The following HOOK2 variants were observed in gnomAD, a reference collection of about 807,000 sequenced individuals.
The protein encoded by HOOK2 is protein Hook homolog 2.
In HOOK2, 108 loss-of-function variants were observed where a neutral mutation model predicts 111.9. The observed-to-expected ratio is 0.96, with a 90% CI of 0.83 to 1.13. HOOK2 has a LOEUF of 1.13. Among genes scored for constraint, HOOK2 ranks in the 50% most tolerant of loss-of-function variants. HOOK2 has a pLI of 0.00. For missense variants in HOOK2, 978 were observed against 951.3 expected (o/e 1.03, Z -0.37); for synonymous variants, 405 against 394.3 (o/e 1.03, Z -0.32).
chr19:12,777,023 G>A (rs1372006021), upstream of HOOK2, among the ~76,000 whole-genome samples: 1 of 151,744 alleles, frequency 6.6e-6, no homozygotes, highest in African/African-American at 2.4e-5. Context: ...CGGGCATGGT[G>A]GCACGCGCCT....
chr19:12,792,268 C>A, intron 3 of HOOK2: 3 of 1,492,374 alleles, frequency 2.0e-6, no homozygotes, highest in Non-Finnish European at 2.7e-6. Context: ...GGGGGGCCCC[C>A]GGCTGGGCCC....
rs372469361 is a variant in HOOK2, at chr19:12,763,659, G to T, written c.1938+9C>A. On this transcript the variant is annotated intron_variant, in intron 21 of 22. Transcript: ENST00000397668. The stretch of plus-strand genomic sequence containing the variant: ...GTTGGAGGCAGCGTAAAGGGACGAG[G>T]ACACCCACCTCCAGGTGTCGGATGC... 7 of 1,614,094 alleles carry T rather than the reference G, an allele frequency of 4.3e-6. No homozygotes were observed. The Admixed American group carries it at 1.2e-4, about 27-fold the overall frequency.
Position 12,771,397 on chromosome 19 carries a change from C to T in HOOK2, c.600G>A (p.Gln200=). ...LQQRCLDLER[Q]LMLLSEEKQS... is the part of the protein sequence containing the mutation. The stretch of plus-strand genomic sequence containing the variant: ...GACCCTGCCCCACCTAGGGCCCTAC[C>T]TGCCGCTCCAGATCCAGACAGCGCT... The change falls in exon 8 of 23, where the codon CAG becomes CAA. Residue 200 remains glutamine (Q), a splice_region_variant and synonymous_variant. Coordinates refer to ENST00000397668, the MANE Select transcript of HOOK2 (RefSeq NM_013312.3). 1 of 1,613,342 alleles carries T rather than the reference C, an allele frequency of 6.2e-7. No individual in the cohort carries two copies. The highest frequency in any genetic ancestry group is 8.5e-7 in the Non-Finnish European group (1 of 1,179,708).
chr19:12,775,560 CGCCCCGCCCCGCCCCCCTAGGCGCAG>C (rs1248783258), upstream of HOOK2: 110 of 1,036,176 alleles, frequency 1.1e-4, no homozygotes, highest in Middle Eastern at 3.4e-4. Context: ...CCTAGAGCGC[CGCCCCGCCCCGCCCCCCTAGGCGCAG>C]GCCCCGCCCC....
Position 12,786,496 on chromosome 19 carries a change from C to A in HOOK2, n.42-12271G>T, listed in dbSNP as rs780453536. Among the ~76,000 whole-genome samples the A allele has an allele frequency of 1.3e-5, 2 of 152,118 alleles. No individual in the cohort carries two copies. The highest frequency in any genetic ancestry group is 2.9e-5 in the Non-Finnish European group (2 of 67,986). Reference sequence around the variant, plus strand: ...GCCCTAGGCCCCAGGCCCTGGGGCACTGGGGAAGCCTGCGCAGGGACTTCT... The same window carrying A: ...GCCCTAGGCCCCAGGCCCTGGGGCAATGGGGAAGCCTGCGCAGGGACTTCT... On this transcript the variant is annotated intron_variant and non_coding_transcript_variant, in intron 3 of 3. Transcript: ENST00000589765. The surrounding 1 kb of genome is among the most constrained non-coding windows in gnomAD (Gnocchi z 4.3).
chr19:12,771,250 G>C lies in HOOK2; in HGVS notation c.670C>G (p.Arg224Gly). 1.9e-6 allele frequency: 3 copies of C among 1,608,532 alleles called. No homozygotes were observed. Among genetic ancestry groups the C allele is most frequent in the Non-Finnish European group, 2.5e-6 (3 of 1,177,460 alleles). Residue 224 changes from arginine (R) to glycine (G), a missense_variant, in exon 9 of 23, where the codon CGG becomes GGG. This residue lies in a region of HOOK2 where 301 missense variants were observed against 286.1 expected (regional missense o/e 1.05). Coordinates refer to ENST00000397668, the MANE Select transcript of HOOK2 (RefSeq NM_013312.3). ...CCTGGGGTACCCTCGCCTTCAGGCC[G>C]GCCCATCCGCTCCCGCAGCCCTGCA... is the stretch of plus-strand genomic sequence containing the variant. ...ENAGLRERMG[R>G]PEGEGTPGLT...
chr19:12,781,984 A>G (rs1310575325), upstream of HOOK2, among the ~76,000 whole-genome samples: 1 of 151,892 alleles, frequency 6.6e-6, no homozygotes, highest in Non-Finnish European at 1.5e-5. Flanking sequence ...GACTATAGAC[A>G]CGACTATAGG....
Position 12,766,084 on chromosome 19 carries a change from T to C in HOOK2, c.1511+19A>G. 1 of 1,602,738 alleles carries C rather than the reference T, an allele frequency of 6.2e-7. No homozygotes were observed. On this transcript the variant is annotated intron_variant, in intron 15 of 22. Transcript: ENST00000397668. ...CCCCTCTGTCCCTGCTCCGCGCAGG[T>C]AGGTCCCCAGGCGCTCACCGGTGCT... is the stretch of plus-strand genomic sequence containing the variant.
Position 12,768,001 on chromosome 19 carries a change from C to A in HOOK2, c.1215+12G>T, listed in dbSNP as rs975271331. 6.2e-7 allele frequency: 1 copy of A among 1,613,484 alleles called. No individual in the cohort carries two copies. The highest frequency in any genetic ancestry group is 8.5e-7 in the Non-Finnish European group (1 of 1,179,474). On this transcript the variant is annotated intron_variant, in intron 12 of 22. Coordinates refer to ENST00000397668, the MANE Select transcript of HOOK2 (RefSeq NM_013312.3). Reference sequence around the variant, plus strand: ...GCAGGGTGGGGCTTGGGCAGTGGAACCTCAGCCTCACCTCCTTCTCCTTTG... The same window carrying A: ...GCAGGGTGGGGCTTGGGCAGTGGAAACTCAGCCTCACCTCCTTCTCCTTTG...
chr19:12,770,971 T>A lies in HOOK2; in HGVS notation c.863A>T (p.Gln288Leu). The A allele has an allele frequency of 1.2e-6, 2 of 1,610,192 alleles. No homozygotes were observed. Among genetic ancestry groups the A allele is most frequent in the South Asian group, 1.1e-5 (1 of 90,958 alleles). Reference sequence around the variant, plus strand: ...CTCATCCTTCAGGGCCTGTGCCTCCTGGGCCAGGCTAGTCAGCGCCTGGTT... The same window carrying A: ...CTCATCCTTCAGGGCCTGTGCCTCCAGGGCCAGGCTAGTCAGCGCCTGGTT... ...HRNQALTSLA[Q>L]EAQALKDEMD... Residue 288 changes from glutamine to leucine, a missense_variant, in exon 10 of 23, where the codon CAG becomes CTG. This residue lies in a region of HOOK2 where 388 missense variants were observed against 358.3 expected (regional missense o/e 1.08). Transcript: ENST00000397668.
rs1459762375 is a variant in HOOK2 at position 12,775,545 on chromosome 19, C to T, written c.-96G>A. On this transcript the variant is annotated 5_prime_UTR_variant, in exon 1 of 23. Transcript: ENST00000397668. ...GAGCGCCCGCAGCCCCGACCTCCCG[C>T]TCGGCCTAGAGCGCCGCCCCGCCCC... is the stretch of plus-strand genomic sequence containing the variant. 4.3e-6 allele frequency: 6 copies of T among 1,392,688 alleles called. No individual in the cohort carries two copies. Among genetic ancestry groups the T allele is most frequent in the East Asian group, 2.8e-5 (1 of 35,372 alleles). 86.3% of individuals were successfully genotyped at this position (1,392,688 alleles called of 1,614,324 possible). A position where few individuals can be genotyped will look rare whatever the true frequency, so the allele number is the denominator to read the frequency against.
upstream of HOOK2, among the ~76,000 whole-genome samples, chr19:12,777,390 G>A (rs938480013): frequency 2.6e-5 from 4 of 151,870 alleles, no homozygotes; most frequent in Non-Finnish European, 4.4e-5. Flanking sequence ...TGAGGTGGGA[G>A]GATCGCTTGA....
chr19:12,764,908 C>A lies in HOOK2; in HGVS notation c.1733G>T (p.Arg578Leu), dbSNP rs367785052. 1 of 1,614,196 alleles carries A rather than the reference C, an allele frequency of 6.2e-7. No individual in the cohort carries two copies. The highest frequency in any genetic ancestry group is 1.7e-5 in the Admixed American group (1 of 60,014). ...EPPTDSSTAR[R>L]IEELQHNLQK... The stretch of plus-strand genomic sequence containing the variant: ...CAAGTTATGCTGCAGCTCCTCGATC[C>A]GCCGGGCTGCTGGCGGAAGAGGTGG... The change falls in exon 20 of 23, where the codon CGG (arginine) becomes CTG (leucine). Residue 578 changes from arginine (R) to leucine (L), a missense_variant. Coordinates refer to ENST00000397668, the MANE Select transcript of HOOK2 (RefSeq NM_013312.3).
chr19:12,771,884 A>C, intron 7 of HOOK2: 1 of 257,574 alleles, frequency 3.9e-6, no homozygotes, highest in Non-Finnish European at 7.4e-6. Context: ...TCCATCTCAA[A>C]AAAAAAAAAA....
chr19:12,767,306 C>T (rs1457923238), intron 14 of HOOK2, 89 bp downstream of exon 14: 2 of 1,124,166 alleles, frequency 1.8e-6, no homozygotes, highest in African/African-American at 3.1e-5. Context: ...GCAACCGGGG[C>T]TAGCAGAAGA....
In HOOK2 at chr19:12,775,457, G is replaced by C. The variant is rs200245705; in HGVS notation, c.-8C>G. ...AGCTTTGTCCACGCTCATGGCTCCC[G>C]ATCGGATTCAATCCAGGCCACGGAG... On this transcript the variant is annotated 5_prime_UTR_variant, in exon 1 of 23. The change creates a new upstream start codon in the 5' untranslated region. Coordinates refer to ENST00000397668, the MANE Select transcript of HOOK2 (RefSeq NM_013312.3). 20 of 1,611,152 alleles carry C rather than the reference G, an allele frequency of 1.2e-5. No individual in the cohort carries two copies. The Admixed American group carries it at 3.3e-4, about 27-fold the overall frequency.
intron 3 of HOOK2, among the ~76,000 whole-genome samples, chr19:12,789,557 C>A (rs935156327): frequency 6.6e-6 from 1 of 152,058 alleles, no homozygotes; most frequent in Non-Finnish European, 1.5e-5. Flanking sequence ...GACGGAGCTC[C>A]AGATCTCCTG....
chr19:12,773,231 CTTTTTT>C (rs373156108), intron 3 of HOOK2, 187 bp from the exon 4 acceptor site: 1,110 of 254,076 alleles, frequency 4.4e-3, no homozygotes, highest in Middle Eastern at 5.5e-3. Context: ...ATCTTTGTTT[CTTTTTT>C]TTTTTTTTTT....
At chr19:12,763,481 A>G (rs1968056453) in intron 22 of HOOK2, 47 bp downstream of exon 22, 1 of 1,613,680 alleles carries the variant, frequency 6.2e-7, no homozygotes, top group East Asian at 2.2e-5. Flanking sequence ...GGACCCCCCC[A>G]CCAATATTCT....
Sources: gnomAD v4.1 joint callset for allele counts (sites outside exome capture counted in the v4.1 genomes callset) on GRCh38, gnomAD v4.1.1 for gene constraint, gnomAD v4.1.1 regional missense constraint, Gnocchi (gnomAD v3.1) non-coding constraint, MANE v1.5 for transcripts, NCBI Gene and HGNC (gene_info 2026-07-23, HGNC 2026-07-21) for gene names.